The following SLC25A19 variants were observed in gnomAD, a reference collection of about 807,000 sequenced individuals.
SLC25A19 encodes the protein solute carrier family 25 member 19.
Under a neutral mutation model 27.9 loss-of-function variants are expected in SLC25A19, and 18 were observed. The ratio of observed to expected loss-of-function variants is 0.64; its 90% CI spans 0.45 to 0.96. The LOEUF (loss-of-function observed/expected upper bound fraction) is 0.96. Among genes scored for constraint, SLC25A19 ranks in the 40% least tolerant of loss-of-function variants. SLC25A19 has a pLI of 0.00. For missense variants in SLC25A19, 371 were observed against 418.3 expected, an observed-to-expected ratio of 0.89 and a Z score of 0.99; for synonymous variants, 169 against 167.1, an observed-to-expected ratio of 1.01 and a Z score of -0.09.
chr17:75,280,554 C>T (rs1189113129), intron 5 of SLC25A19, among the ~76,000 whole-genome samples: 1 of 152,068 alleles, frequency 6.6e-6, no homozygotes, highest in African/African-American at 2.4e-5. Context: ...GTGGCTCACG[C>T]CTGTAATCTT....
chr17:75,276,253 C>T (rs1038794169), intron 7 of SLC25A19, among the ~76,000 whole-genome samples: 1 of 152,160 alleles, frequency 6.6e-6, no homozygotes, highest in East Asian at 1.9e-4. Context: ...CCAGGCTGGG[C>T]AACAAGAGCA....
chr17:75,284,609 T>C (rs2078136718), intron 4 of SLC25A19, among the ~76,000 whole-genome samples: 1 of 150,286 alleles, frequency 6.7e-6, no homozygotes, highest in Admixed American at 6.7e-5. Context: ...TTCCACAGGG[T>C]GACCCCCTTA....
At chr17:75,280,939 A>G (rs1163163017) in intron 5 of SLC25A19, among the ~76,000 whole-genome samples, 3 of 147,734 alleles carry the variant, frequency 2.0e-5, no homozygotes, top group Non-Finnish European at 3.0e-5. Context: ...AAAAACAAAC[A>G]AACAACAACC....
chr17:75,282,702 A>T (rs2078069118), intron 5 of SLC25A19, among the ~76,000 whole-genome samples: 2 of 151,606 alleles, frequency 1.3e-5, no homozygotes, highest in South Asian at 4.2e-4. Flanking sequence ...AATACAAAAA[A>T]TTAGCTGGGC....
rs149773794 is a variant in SLC25A19 at position 75,280,052 on chromosome 17, A to G, written c.460-1717T>C. Among the ~76,000 whole-genome samples the G allele has an allele frequency of 3.0e-3, 464 of 152,304 alleles. 6 individuals carry two copies. The highest frequency in any genetic ancestry group is 0.011 in the African/African-American group (453 of 41,570). On this transcript the variant is annotated intron_variant, in intron 5 of 7. Coordinates refer to ENST00000416858, the MANE Select transcript of SLC25A19 (RefSeq NM_001126121.2). ...TTTCCCACTAACAGTATCCTAAAGCAGAGTTGAGACAGTGGAAAAATTATT... is the reference window on the plus strand; with the variant it reads ...TTTCCCACTAACAGTATCCTAAAGCGGAGTTGAGACAGTGGAAAAATTATT...
intron 6 of SLC25A19, 31 bp from the exon 7 acceptor site, chr17:75,277,514 G>A (rs1412817372): frequency 1.9e-6 from 3 of 1,613,100 alleles, no homozygotes; most frequent in Admixed American, 3.3e-5. Flanking sequence ...TGGGAGAATG[G>A]ATGAGAGAAA....
chr17:75,283,022 G>A (rs554953186), intron 5 of SLC25A19, among the ~76,000 whole-genome samples: 8 of 145,464 alleles, frequency 5.5e-5, no homozygotes, highest in South Asian at 2.2e-4. Flanking sequence ...AAAATAGGCC[G>A]GGCGCAGTGG....
Position 75,274,973 on chromosome 17 carries a change from C to CTTTTT in SLC25A19, c.775-1339_775-1335dup, listed in dbSNP as rs67040059. On this transcript the variant is annotated intron_variant, in intron 7 of 7. Transcript: ENST00000416858. ...TAGTGAAATTACAAGGGATTTTGGT[C>CTTTTT]TTTTTTTTTTTTTTTTTTTTTTTTT... Among the ~76,000 whole-genome samples the CTTTTT allele has an allele frequency of 1.9e-3, 89 of 47,202 alleles. 6 individuals carry two copies. Among genetic ancestry groups the CTTTTT allele is most frequent in the East Asian group, 5.1e-3 (6 of 1,168 alleles). 31.0% of individuals were successfully genotyped at this position (47,202 alleles called of 152,430 possible). A position where few individuals can be genotyped will look rare whatever the true frequency, so the allele number is the denominator to read the frequency against.
chr17:75,278,134 G>T lies in SLC25A19; in HGVS notation c.643+18C>A, dbSNP rs9901041. On this transcript the variant is annotated intron_variant, in intron 6 of 7. Coordinates refer to ENST00000416858, the MANE Select transcript of SLC25A19 (RefSeq NM_001126121.2). ...GGCTGGGGTGGGAGGGCTCCCTCTC[G>T]TGTGAGGGCTGCCTCACCATTTTTC... 9.9e-6 allele frequency: 16 copies of T among 1,611,846 alleles called. No individual in the cohort carries two copies. The highest frequency in any genetic ancestry group is 3.3e-5 in the Admixed American group (2 of 59,984).
intron 4 of SLC25A19, among the ~76,000 whole-genome samples, chr17:75,284,357 T>C (rs2078130917): frequency 6.6e-6 from 1 of 152,078 alleles, no homozygotes; most frequent in Non-Finnish European, 1.5e-5. Context: ...GAGCTGAGAT[T>C]GCGCCACTGC....
intron 7 of SLC25A19, 44 bp from the exon 8 acceptor site, chr17:75,273,683 C>T: frequency 6.4e-7 from 1 of 1,560,794 alleles, no homozygotes; most frequent in African/African-American, 1.3e-5. Flanking sequence ...CCGCTCTGCT[C>T]CCATCAACAC....
At chr17:75,279,340 GATC>G (rs1299502318) in intron 5 of SLC25A19, among the ~76,000 whole-genome samples, 1 of 152,026 alleles carries the variant, frequency 6.6e-6, no homozygotes, top group East Asian at 1.9e-4. Context: ...TATCGTTCAA[GATC>G]ATGTTTATAA....
At chr17:75,275,002 T>C (rs1653502184) in intron 7 of SLC25A19, among the ~76,000 whole-genome samples, 1 of 129,616 alleles carries the variant, frequency 7.7e-6, no homozygotes, top group Non-Finnish European at 1.6e-5. Flanking sequence ...TTTTTTTTTT[T>C]TTTTGAGACA....
intron 7 of SLC25A19, among the ~76,000 whole-genome samples, chr17:75,275,182 G>A (rs764293448): frequency 6.6e-6 from 1 of 151,248 alleles, no homozygotes; most frequent in Non-Finnish European, 1.5e-5. Flanking sequence ...TTGTAGAGAC[G>A]GGGTCTTGCT....
At chr17:75,288,431 A>G (rs1189891222) in intron 2 of SLC25A19, 71 bp downstream of exon 2, 1 of 152,198 alleles carries the variant, frequency 6.6e-6, no homozygotes, top group Non-Finnish European at 1.5e-5. Flanking sequence ...CTCAGCTAAA[A>G]AGCATCCCTT....
chr17:75,281,568 G>A (rs977493034), intron 5 of SLC25A19, among the ~76,000 whole-genome samples: 6 of 152,078 alleles, frequency 3.9e-5, no homozygotes, highest in South Asian at 2.1e-4. Flanking sequence ...ATGGCATCAC[G>A]TGCCTGTAAT....
Position 75,276,292 on chromosome 17 carries a change from C to CA in SLC25A19, c.774+1060dup, listed in dbSNP as rs1412507044. Among the ~76,000 whole-genome samples, 3 of 152,020 alleles carry CA rather than the reference C, an allele frequency of 2.0e-5. No homozygotes were observed. The East Asian group carries it at 5.8e-4, about 29-fold the overall frequency. ...CTCCGTTTCAAAACAAAAACAAAAA[C>CA]AAAAAAATACATATATATATAACCT... On this transcript the variant is annotated intron_variant, in intron 7 of 7. Coordinates refer to ENST00000416858, the MANE Select transcript of SLC25A19 (RefSeq NM_001126121.2).
chr17:75,280,908 G>A (rs1319412600), intron 5 of SLC25A19, among the ~76,000 whole-genome samples: 1 of 136,376 alleles, frequency 7.3e-6, no homozygotes, highest in African/African-American at 2.8e-5. Flanking sequence ...CAGACTGGGC[G>A]ACAGAGCCAT....
At chr17:75,287,075 C>T in intron 2 of SLC25A19, 1 of 356,400 alleles carries the variant, frequency 2.8e-6, no homozygotes, top group Non-Finnish European at 5.5e-6. Context: ...TAAAATAGCA[C>T]TTGTTTTATT....
Sources: allele counts gnomAD v4.1 joint callset (sites outside exome capture counted in the v4.1 genomes callset), GRCh38; gene constraint gnomAD v4.1.1; transcripts MANE v1.5; gene names NCBI Gene and HGNC (gene_info 2026-07-23, HGNC 2026-07-21).